The following ATXN1 variants were observed in gnomAD, a reference collection of about 807,000 sequenced individuals.
The protein encoded by ATXN1 is ataxin 1, also known as ataxin-1.
In ATXN1, 8 loss-of-function variants were observed where a neutral mutation model predicts 56.4. The ratio of observed to expected loss-of-function variants is 0.14; its 90% CI spans 0.08 to 0.26. ATXN1 has a LOEUF of 0.26. Among genes scored for constraint, ATXN1 ranks in the 10% least tolerant of loss-of-function variants. The probability of loss-of-function intolerance (pLI) is 1.00; values close to 1 mark genes in which losing one functional copy is unlikely to be tolerated. For missense variants in ATXN1, 987 were observed against 1,106.5 expected, an observed-to-expected ratio of 0.89 and a Z score of 1.53; for synonymous variants, 514 against 494.6, an observed-to-expected ratio of 1.04 and a Z score of -0.52.
intron 2 of ATXN1, among the ~76,000 whole-genome samples, chr6:16,670,530 T>C (rs1758519469): frequency 6.6e-6 from 1 of 152,242 alleles, no homozygotes; most frequent in South Asian, 2.1e-4. Context: ...GGAGGATACA[T>C]GCAGAGGACC....
At chr6:16,717,259 T>C (rs933580361) in intron 2 of ATXN1, among the ~76,000 whole-genome samples, 6 of 152,252 alleles carry the variant, frequency 3.9e-5, no homozygotes, top group Non-Finnish European at 7.3e-5. Flanking sequence ...GAATACAGTG[T>C]CTTCACAGGC....
chr6:16,379,976 T>G (rs755111971), intron 6 of ATXN1, among the ~76,000 whole-genome samples: 1 of 152,174 alleles, frequency 6.6e-6, no homozygotes, highest in Non-Finnish European at 1.5e-5. Flanking sequence ...ACTGTACACA[T>G]CCACCCAGCA....
At chr6:16,747,192 TC>T (rs1760562894) in intron 2 of ATXN1, among the ~76,000 whole-genome samples, 1 of 152,232 alleles carries the variant, frequency 6.6e-6, no homozygotes, top group African/African-American at 2.4e-5. Flanking sequence ...GGTTTTGATT[TC>T]TTTTGGAAAA....
intron 2 of ATXN1, among the ~76,000 whole-genome samples, chr6:16,675,132 GT>G (rs1393588875): frequency 6.6e-6 from 1 of 152,208 alleles, no homozygotes; most frequent in African/African-American, 2.4e-5. Flanking sequence ...GGGTGTCTGT[GT>G]TGTAGATTGG....
chr6:16,670,386 G>A (rs997855858), intron 2 of ATXN1, among the ~76,000 whole-genome samples: 3 of 152,110 alleles, frequency 2.0e-5, no homozygotes, highest in African/African-American at 7.2e-5. Flanking sequence ...GAAAACCATG[G>A]TGACTGCAGT....
chr6:16,580,055 TA>T (rs902778457), intron 4 of ATXN1, among the ~76,000 whole-genome samples: 17 of 151,356 alleles, frequency 1.1e-4, no homozygotes, highest in Non-Finnish European at 1.5e-4. Context: ...TTCTTGCTAA[TA>T]AAAAAAAAGT....
At chr6:16,404,744 T>C (rs1440903887) in intron 6 of ATXN1, among the ~76,000 whole-genome samples, 1 of 152,202 alleles carries the variant, frequency 6.6e-6, no homozygotes, top group Non-Finnish European at 1.5e-5. Context: ...GTTTTCTGGG[T>C]CATTTCCTGT....
intron 2 of ATXN1, among the ~76,000 whole-genome samples, chr6:16,734,783 C>T (rs1485290891): frequency 2.6e-5 from 4 of 152,206 alleles, no homozygotes; most frequent in Non-Finnish European, 1.5e-5. Context: ...CGTGAGCCAC[C>T]GTGCCTAGTC....
intron 6 of ATXN1, among the ~76,000 whole-genome samples, chr6:16,329,803 T>C (rs887456945): frequency 1.1e-4 from 17 of 152,350 alleles, no homozygotes; most frequent in African/African-American, 4.1e-4. Flanking sequence ...TATGGTCAAG[T>C]ATCTCAGTCT....
At chr6:16,612,940 G>A (rs1184355991) in intron 3 of ATXN1, among the ~76,000 whole-genome samples, 2 of 150,672 alleles carry the variant, frequency 1.3e-5, no homozygotes, top group Non-Finnish European at 3.0e-5. Flanking sequence ...CAATATAAAG[G>A]AAAAGCACAT....
At chr6:16,466,416 C>G (rs575752185) in intron 6 of ATXN1, among the ~76,000 whole-genome samples, 1 of 147,610 alleles carries the variant, frequency 6.8e-6, no homozygotes, top group Non-Finnish European at 1.5e-5. Context: ...TAGATTTCTT[C>G]TCTTTCAGAA....
At chr6:16,347,226 GCGCA>G (rs1262988987) in intron 6 of ATXN1, among the ~76,000 whole-genome samples, 1 of 152,260 alleles carries the variant, frequency 6.6e-6, no homozygotes, top group East Asian at 1.9e-4. Context: ...AGGAGTGCGG[GCGCA>G]CGGCACTGGC....
intron 5 of ATXN1, among the ~76,000 whole-genome samples, chr6:16,500,291 G>A (rs369113522): frequency 5.9e-5 from 9 of 152,070 alleles, no homozygotes; most frequent in African/African-American, 9.7e-5. Flanking sequence ...TTAATTAAGC[G>A]ACAGCCCTAG....
intron 7 of ATXN1, among the ~76,000 whole-genome samples, chr6:16,325,815 T>C (rs1760790025): frequency 6.6e-6 from 1 of 152,130 alleles, no homozygotes; most frequent in African/African-American, 2.4e-5. Flanking sequence ...TTGAGTGCAG[T>C]GATAGTCACA....
chr6:16,328,139 C>A lies in ATXN1; in HGVS notation c.172G>T (p.Gly58Trp). The A allele has an allele frequency of 6.3e-7, 1 of 1,582,576 alleles. No homozygotes were observed. Among genetic ancestry groups the A allele is most frequent in the Non-Finnish European group, 8.6e-7 (1 of 1,161,116 alleles). ...GAGGTCCCTGCCGGCCCATGCCTCCCGCCCCCGTGGCCCCGGCCACCAGGG... is the reference window on the plus strand; with the variant it reads ...GAGGTCCCTGCCGGCCCATGCCTCCAGCCCCCGTGGCCCCGGCCACCAGGG... ...GNPGGRGHGG[G>W]RHGPAGTSVE... Residue 58 changes from glycine to tryptophan, a missense_variant, in exon 7 of 8, where the codon GGG becomes TGG. Gly to Trp is a radical substitution (Grantham distance 184, BLOSUM62 -2). Coordinates refer to ENST00000436367, the MANE Select transcript of ATXN1 (RefSeq NM_001128164.2). The surrounding 1 kb of genome is among the most constrained non-coding windows in gnomAD (Gnocchi z 6.2).
chr6:16,716,582 T>C (rs1361654263), intron 2 of ATXN1, among the ~76,000 whole-genome samples: 2 of 152,158 alleles, frequency 1.3e-5, no homozygotes, highest in Non-Finnish European at 2.9e-5. Flanking sequence ...GGCTTCTAGT[T>C]CTTCCCTGAT....
intron 6 of ATXN1, among the ~76,000 whole-genome samples, chr6:16,355,449 T>C (rs1761665302): frequency 6.6e-6 from 1 of 152,204 alleles, no homozygotes. Context: ...ACAAGAGCAG[T>C]GTCGACCCTG....
chr6:16,663,617 C>T (rs566324014), intron 2 of ATXN1, among the ~76,000 whole-genome samples: 17 of 152,124 alleles, frequency 1.1e-4, no homozygotes, highest in South Asian at 8.3e-4. Flanking sequence ...ATGCTCATCA[C>T]GCAGCAGCCA....
At chr6:16,536,048 A>C (rs536491118) in intron 4 of ATXN1, among the ~76,000 whole-genome samples, 70 of 151,946 alleles carry the variant, frequency 4.6e-4, no homozygotes, top group Non-Finnish European at 8.5e-4. Flanking sequence ...CCAAAAAAAA[A>C]CCAAAAACCA....
Sources: gnomAD v4.1 joint callset for allele counts (sites outside exome capture counted in the v4.1 genomes callset) on GRCh38, gnomAD v4.1.1 for gene constraint, Gnocchi (gnomAD v3.1) non-coding constraint, MANE v1.5 for transcripts, NCBI Gene and HGNC (gene_info 2026-07-23, HGNC 2026-07-21) for gene names.